The following APOLD1 variants were observed in gnomAD, a reference collection of about 807,000 sequenced individuals.
The protein encoded by APOLD1 is apolipoprotein L domain containing 1.
A neutral mutation model predicts 15.3 loss-of-function variants in APOLD1; 22 were observed. That is an observed-to-expected ratio of 1.44 (90% CI 1.03 to 2.05). The LOEUF (loss-of-function observed/expected upper bound fraction) is 2.05. Among genes scored for constraint, APOLD1 ranks in the 30% most tolerant of loss-of-function variants. The pLI, the probability that APOLD1 is intolerant of heterozygous loss-of-function variation, is 0.00. For missense variants in APOLD1, 394 were observed against 353.5 expected (o/e 1.11, Z -0.92); for synonymous variants, 190 against 167.4 (o/e 1.13, Z -1.04).
intron 1 of APOLD1, among the ~76,000 whole-genome samples, chr12:12,767,809 G>A (rs1487741481): frequency 2.0e-5 from 3 of 151,052 alleles, no homozygotes; most frequent in South Asian, 2.1e-4. Flanking sequence ...TTTTTTTGAC[G>A]GAGTCTCACT....
chr12:12,774,948 G>C (rs1246469138), intron 1 of APOLD1, among the ~76,000 whole-genome samples: 1 of 152,088 alleles, frequency 6.6e-6, no homozygotes, highest in Non-Finnish European at 1.5e-5. Flanking sequence ...CATGTGCCTT[G>C]GTATTTACCC....
At chr12:12,776,142 G>A (rs1476623167) in intron 1 of APOLD1, among the ~76,000 whole-genome samples, 4 of 151,910 alleles carry the variant, frequency 2.6e-5, no homozygotes, top group Admixed American at 1.3e-4. Flanking sequence ...AATGTGAACC[G>A]ACTGAATTCT....
chr12:12,746,333 A>G (rs1946764647), intron 1 of APOLD1, among the ~76,000 whole-genome samples: 1 of 152,130 alleles, frequency 6.6e-6, no homozygotes, highest in Non-Finnish European at 1.5e-5. Flanking sequence ...CTGTCTCTAC[A>G]TAAAATACAA....
At chr12:12,781,538 T>G (rs568229172), upstream of APOLD1, among the ~76,000 whole-genome samples, 33 of 150,956 alleles carry the variant, frequency 2.2e-4, no homozygotes, top group South Asian at 6.7e-3. Flanking sequence ...TTTTTTTTTT[T>G]TTTTTTTGAG....
chr12:12,759,343 A>C (rs570716697), intron 1 of APOLD1, among the ~76,000 whole-genome samples: 1 of 152,140 alleles, frequency 6.6e-6, no homozygotes, highest in South Asian at 2.1e-4. Flanking sequence ...ATGAAGCTCA[A>C]GTTGTCCCAT....
At chr12:12,734,887 T>G (rs1946671724) in intron 1 of APOLD1, among the ~76,000 whole-genome samples, 1 of 152,022 alleles carries the variant, frequency 6.6e-6, no homozygotes, top group African/African-American at 2.4e-5. Flanking sequence ...CTCCTGGAGC[T>G]CCACAAGGCG....
intron 1 of APOLD1, 66 bp from the exon 2 acceptor site, chr12:12,786,843 G>C (rs1364623810): frequency 7.4e-7 from 1 of 1,348,566 alleles, no homozygotes; most frequent in East Asian, 3.1e-5. Context: ...TGGCGTCCGG[G>C]CAGCAGGGCG....
intron 1 of APOLD1, among the ~76,000 whole-genome samples, chr12:12,737,191 T>G (rs938446465): frequency 3.3e-5 from 5 of 150,222 alleles, no homozygotes; most frequent in Non-Finnish European, 5.9e-5. Flanking sequence ...GAAAGAGACT[T>G]CAAAAGGATA....
intron 1 of APOLD1, among the ~76,000 whole-genome samples, chr12:12,737,806 A>C (rs1378644826): frequency 1.3e-5 from 2 of 152,144 alleles, no homozygotes; most frequent in African/African-American, 4.8e-5. Flanking sequence ...GATTTGTTCA[A>C]CCGTGGGAAT....
chr12:12,726,078 C>G (rs1489688257), exon 1 of APOLD1: 1 of 1,524,074 alleles, frequency 6.6e-7, no homozygotes, highest in Non-Finnish European at 8.8e-7. Context: ...GAGGATGCAC[C>G]TTCCCCTGCC....
chr12:12,777,662 A>G (rs936242173), intron 1 of APOLD1, among the ~76,000 whole-genome samples: 1 of 137,978 alleles, frequency 7.2e-6, no homozygotes, highest in African/African-American at 2.7e-5. Flanking sequence ...TCCTTTGAGC[A>G]TCACTCTAAA....
chr12:12,786,768 T>G (rs893635176), intron 1 of APOLD1, 141 bp from the exon 2 acceptor site: 1 of 1,290,758 alleles, frequency 7.7e-7, no homozygotes, highest in Admixed American at 4.2e-5. Flanking sequence ...CATGATCCAC[T>G]GGAAACAGAC....
intron 1 of APOLD1, among the ~76,000 whole-genome samples, chr12:12,740,309 G>A (rs1488561773): frequency 6.6e-6 from 1 of 152,114 alleles, no homozygotes; most frequent in Non-Finnish European, 1.5e-5. Flanking sequence ...CAGAGACGGG[G>A]TTTCACCATA....
In APOLD1 at chr12:12,787,171, C is replaced by CTG. The variant is rs775030436; in HGVS notation, c.266_267insTG (p.Val90AlafsTer21). On this transcript the variant is annotated frameshift_variant, in exon 2 of 2. Coordinates refer to ENST00000356591, the MANE Select transcript of APOLD1 (RefSeq NM_030817.3). LOFTEE classifies it high-confidence loss of function. This position sits in a 1 kb window ranked among gnomAD's most constrained non-coding sequence, Gnocchi z 4.9. ...CTGGGGACCTCGCTGCTGGTGTCGG[C>CTG]CGTGGGGCTGGGGGTGGCCACAGCC... is the stretch of plus-strand genomic sequence containing the variant. 8.3e-5 allele frequency: 127 copies of CTG among 1,528,288 alleles called. 1 individual carries two copies. The African/African-American group carries it at 1.6e-3, about 20-fold the overall frequency. The allele number at this position is 1,528,288 out of a possible 1,614,324, so 94.7% of individuals were successfully genotyped here.
At chr12:12,757,963 CAG>C (rs1946868543) in intron 1 of APOLD1, among the ~76,000 whole-genome samples, 1 of 125,642 alleles carries the variant, frequency 8.0e-6, no homozygotes, top group South Asian at 2.5e-4. Flanking sequence ...TTTTTTGAGA[CAG>C]AGTCTTGCTC....
At chr12:12,786,738 AG>A in intron 1 of APOLD1, 170 bp from the exon 2 acceptor site, 1 of 985,400 alleles carries the variant, frequency 1.0e-6, no homozygotes, top group Non-Finnish European at 1.2e-6. Context: ...ATTCCAGAAC[AG>A]GTCTTTGAGA....
At chr12:12,728,020 G>A (rs1189353110) in intron 1 of APOLD1, among the ~76,000 whole-genome samples, 1 of 151,990 alleles carries the variant, frequency 6.6e-6, no homozygotes, top group African/African-American at 2.4e-5. Context: ...AGGCTGGAGT[G>A]CAGTGGGCAT....
At chr12:12,740,781 T>C (rs558585726) in intron 1 of APOLD1, among the ~76,000 whole-genome samples, 1 of 150,584 alleles carries the variant, frequency 6.6e-6, no homozygotes, top group African/African-American at 2.4e-5. Context: ...AAACGTAATA[T>C]TTGGAATCTT....
Position 12,754,656 on chromosome 12 carries a change from C to G in APOLD1, c.96+28560C>G, listed in dbSNP as rs570078157. On this transcript the variant is annotated intron_variant, in intron 1 of 1. Coordinates refer to the APOLD1 transcript ENST00000326765. Reference sequence around the variant, plus strand: ...ATGTTGTCCAGGCTGGTCTTGAACTCCTGACCTCCAGTGATCTGCCCACCT... The same window carrying G: ...ATGTTGTCCAGGCTGGTCTTGAACTGCTGACCTCCAGTGATCTGCCCACCT... Among the ~76,000 whole-genome samples, 14 of 152,034 alleles carry G rather than the reference C, an allele frequency of 9.2e-5. No homozygotes were observed. The East Asian group carries it at 2.5e-3, about 27-fold the overall frequency.
Sources: gnomAD v4.1 joint callset for allele counts (sites outside exome capture counted in the v4.1 genomes callset) on GRCh38, gnomAD v4.1.1 for gene constraint, Gnocchi (gnomAD v3.1) non-coding constraint, MANE v1.5 for transcripts, NCBI Gene and HGNC (gene_info 2026-07-23, HGNC 2026-07-21) for gene names.